HDAC2: variants seen among roughly 807,000 people sequenced by gnomAD.
The protein encoded by HDAC2 is histone deacetylase 2, also known as YY1-associated factor 1.
Under a neutral mutation model 68.5 loss-of-function variants are expected in HDAC2, and 5 were observed. That is an observed-to-expected ratio of 0.07 (90% CI 0.04 to 0.15). The LOEUF (loss-of-function observed/expected upper bound fraction) is 0.15. Among genes scored for constraint, HDAC2 ranks in the 10% least tolerant of loss-of-function variants. The pLI is 1.00. For synonymous variants in HDAC2, 182 were observed against 191.3 expected, an observed-to-expected ratio of 0.95 and a Z score of 0.40; for missense variants, 291 against 600.8, an observed-to-expected ratio of 0.48 and a Z score of 5.39.
intron 8 of HDAC2, 104 bp from the exon 9 acceptor site, chr6:113,946,252 G>C (rs1487213946): frequency 1.1e-5 from 9 of 843,416 alleles, no homozygotes; most frequent in Non-Finnish European, 7.1e-6. Context: ...AACCAAAATG[G>C]GTTTTCTAAA....
chr6:113,963,320 A>G (rs1316291715), intron 1 of HDAC2, among the ~76,000 whole-genome samples: 1 of 152,010 alleles, frequency 6.6e-6, no homozygotes, highest in Non-Finnish European at 1.5e-5. Context: ...CTGACCTCAG[A>G]TGATCTGCCC....
In HDAC2 at chr6:113,970,916, C is replaced by G. The variant is rs1337832949; in HGVS notation, c.-8G>C. 6.5e-7 allele frequency: 1 copy of G among 1,550,332 alleles called. No homozygotes were observed. The highest frequency in any genetic ancestry group is 1.7e-4 in the Middle Eastern group (1 of 5,992). On this transcript the variant is annotated 5_prime_UTR_variant, in exon 1 of 14. Coordinates refer to ENST00000519065, the MANE Select transcript of HDAC2 (RefSeq NM_001527.4). Reference sequence around the variant, plus strand: ...TCCTTGACTGTACGCCATGGGCTCCCCGGCCACCGCCGCCACCGGGCTCCT... The same window carrying G: ...TCCTTGACTGTACGCCATGGGCTCCGCGGCCACCGCCGCCACCGGGCTCCT...
intron 11 of HDAC2, among the ~76,000 whole-genome samples, chr6:113,943,889 T>C (rs1396510877): frequency 6.6e-6 from 1 of 152,182 alleles, no homozygotes; most frequent in Non-Finnish European, 1.5e-5. Flanking sequence ...CCAAATATGT[T>C]AGACAGTCTA....
At chr6:113,962,477 G>A (rs1776707274) in intron 1 of HDAC2, 1 of 237,126 alleles carries the variant, frequency 4.2e-6, no homozygotes, top group Non-Finnish European at 6.9e-6. Flanking sequence ...ATGAACACAA[G>A]AAACTGTACC....
At chr6:113,970,510 G>A (rs1325027214) in intron 1 of HDAC2, 9 of 1,169,278 alleles carry the variant, frequency 7.7e-6, no homozygotes, top group East Asian at 4.6e-5. Context: ...GGCGGGAGAA[G>A]GGAGAGAATG....
Position 113,971,068 on chromosome 6 carries a change from C to A in HDAC2, c.-160G>T, listed in dbSNP as rs1402706174. 6.4e-7 allele frequency: 1 copy of A among 1,554,468 alleles called. No individual in the cohort carries two copies. The highest frequency in any genetic ancestry group is 1.2e-5 in the South Asian group (1 of 84,912). Reference sequence around the variant, plus strand: ...CCGGTGGGAGGAGAGGAGGGGGCGCCGGGAAGGCTCGGTACCACCCGGCAG... The same window carrying A: ...CCGGTGGGAGGAGAGGAGGGGGCGCAGGGAAGGCTCGGTACCACCCGGCAG... On this transcript the variant is annotated 5_prime_UTR_variant, in exon 1 of 14. Coordinates refer to ENST00000519065, the MANE Select transcript of HDAC2 (RefSeq NM_001527.4).
At chr6:113,956,777 ACT>A in intron 3 of HDAC2, 84 bp from the exon 4 acceptor site, 1 of 984,370 alleles carries the variant, frequency 1.0e-6, no homozygotes, top group Non-Finnish European at 1.6e-6. Flanking sequence ...TCCCACAAAT[ACT>A]TTTTTGCTTG....
At chr6:113,966,252 A>G (rs540600982) in intron 1 of HDAC2, among the ~76,000 whole-genome samples, 119 of 152,290 alleles carry the variant, frequency 7.8e-4, no homozygotes, top group Non-Finnish European at 1.0e-3. Flanking sequence ...CGTTCTATCT[A>G]TAAGAATAAG....
chr6:113,966,170 C>T (rs575911740), intron 1 of HDAC2, among the ~76,000 whole-genome samples: 1 of 152,104 alleles, frequency 6.6e-6, no homozygotes, highest in African/African-American at 2.4e-5. Flanking sequence ...CCAAAAATGC[C>T]AAAATGCCAC....
intron 1 of HDAC2, among the ~76,000 whole-genome samples, chr6:113,960,686 A>G (rs1776662609): frequency 6.6e-6 from 1 of 152,090 alleles, no homozygotes. Flanking sequence ...AGATTTAAAA[A>G]AGAGAAAATA....
chr6:113,943,509 G>C lies in HDAC2; in HGVS notation c.1223-3C>G. On this transcript the variant is annotated splice_region_variant and splice_polypyrimidine_tract_variant and intron_variant, in intron 11 of 13. Coordinates refer to ENST00000519065, the MANE Select transcript of HDAC2 (RefSeq NM_001527.4). ...TATCCGCTTGTCTGATGCTCGAACT[G>C]CACAGAATATTTTAATAAATTTTGA... 6.3e-7 allele frequency: 1 copy of C among 1,583,150 alleles called. No homozygotes were observed. The highest frequency in any genetic ancestry group is 8.5e-7 in the Non-Finnish European group (1 of 1,172,672).
At chr6:113,970,609 G>A (rs944065650) in intron 1 of HDAC2, 31 of 1,308,746 alleles carry the variant, frequency 2.4e-5, no homozygotes, top group Non-Finnish European at 2.3e-5. Flanking sequence ...CGGACTGCAC[G>A]GCCGAAGGGG....
chr6:113,944,243 AT>A, intron 11 of HDAC2, 36 bp downstream of exon 11: 1 of 1,570,982 alleles, frequency 6.4e-7, no homozygotes, highest in Non-Finnish European at 8.8e-7. Flanking sequence ...TTCAATTATC[AT>A]TTTGACAAAT....
At chr6:113,956,903 T>C (rs2114609061) in intron 3 of HDAC2, 1 of 474,220 alleles carries the variant, frequency 2.1e-6, no homozygotes, top group African/African-American at 1.9e-5. Context: ...TCATCAAATC[T>C]TATCAGGATT....
intron 1 of HDAC2, among the ~76,000 whole-genome samples, chr6:113,967,567 A>G (rs1262100368): frequency 6.6e-6 from 1 of 152,268 alleles, no homozygotes; most frequent in Non-Finnish European, 1.5e-5. Context: ...AAATTTGTGT[A>G]TAGTTACATA....
chr6:113,960,057 G>C (rs765717599), intron 1 of HDAC2, 39 bp from the exon 2 acceptor site: 1 of 963,390 alleles, frequency 1.0e-6, no homozygotes, highest in South Asian at 1.3e-5. Context: ...ATACAGACAA[G>C]AGACCCTCCA....
intron 1 of HDAC2, among the ~76,000 whole-genome samples, chr6:113,966,229 C>T (rs145734646): frequency 3.9e-4 from 59 of 152,074 alleles, no homozygotes; most frequent in Middle Eastern, 6.8e-3. Context: ...TTAGAGGGAA[C>T]GTTATATGAA....
chr6:113,958,531 AAAT>A, intron 3 of HDAC2, 115 bp downstream of exon 3: 1 of 609,698 alleles, frequency 1.6e-6, no homozygotes, highest in Non-Finnish European at 2.9e-6. Flanking sequence ...TCAAATCAGT[AAAT>A]AACTGTAACA....
intron 1 of HDAC2, among the ~76,000 whole-genome samples, chr6:113,963,033 C>T (rs968373458): frequency 6.6e-6 from 1 of 151,238 alleles, no homozygotes; most frequent in Non-Finnish European, 1.5e-5. Flanking sequence ...CCAACTTTTT[C>T]CCACTAATTC....
Sources: allele counts gnomAD v4.1 joint callset (sites outside exome capture counted in the v4.1 genomes callset), GRCh38; gene constraint gnomAD v4.1.1; transcripts MANE v1.5; gene names NCBI Gene and HGNC (gene_info 2026-07-23, HGNC 2026-07-21).